The following SEL1L2 variants were observed in gnomAD, a reference collection of about 807,000 sequenced individuals.
SEL1L2 encodes SEL1L2 adaptor subunit of SYVN1 ubiquitin ligase.
SEL1L2 carries 89 observed loss-of-function variants against 98.8 expected under a neutral mutation model. The ratio of observed to expected loss-of-function variants is 0.90; its 90% CI spans 0.76 to 1.07. The LOEUF (loss-of-function observed/expected upper bound fraction) is 1.07. Among genes scored for constraint, SEL1L2 ranks in the 50% least tolerant of loss-of-function variants. The probability of loss-of-function intolerance (pLI) is 0.00; values close to 1 mark genes in which losing one functional copy is unlikely to be tolerated. For missense variants in SEL1L2, 788 were observed against 812.0 expected, an observed-to-expected ratio of 0.97 and a Z score of 0.36; for synonymous variants, 262 against 278.5, an observed-to-expected ratio of 0.94 and a Z score of 0.59.
chr20:13,978,077 G>T (rs571521520), intron 1 of SEL1L2, among the ~76,000 whole-genome samples: 1 of 152,052 alleles, frequency 6.6e-6, no homozygotes, highest in Non-Finnish European at 1.5e-5. Context: ...CAAAGCTAGA[G>T]ACATCACACT....
intron 18 of SEL1L2, among the ~76,000 whole-genome samples, chr20:13,854,006 C>T (rs750199342): frequency 2.8e-4 from 42 of 152,168 alleles, no homozygotes; most frequent in Non-Finnish European, 4.1e-4. Flanking sequence ...AATGTGTTTT[C>T]TGTCCTGCCA....
At chr20:13,903,663 ATT>A (rs2047785600) in intron 5 of SEL1L2, among the ~76,000 whole-genome samples, 3 of 152,036 alleles carry the variant, frequency 2.0e-5, no homozygotes, top group Admixed American at 2.0e-4. Context: ...AAATACAAAA[ATT>A]AGGCAGGCAT....
chr20:13,957,634 T>C (rs1182531729), intron 1 of SEL1L2, among the ~76,000 whole-genome samples: 1 of 152,168 alleles, frequency 6.6e-6, no homozygotes, highest in East Asian at 1.9e-4. Flanking sequence ...CCCAACACTT[T>C]GGAAGGACAA....
intron 10 of SEL1L2, among the ~76,000 whole-genome samples, chr20:13,883,817 C>G (rs1157623765): frequency 1.3e-5 from 2 of 152,232 alleles, no homozygotes; most frequent in Non-Finnish European, 2.9e-5. Flanking sequence ...AGGATGCCCT[C>G]ACATCCAAAT....
chr20:13,909,344 G>T (rs1433591534), intron 5 of SEL1L2, among the ~76,000 whole-genome samples: 1 of 152,228 alleles, frequency 6.6e-6, no homozygotes, highest in African/African-American at 2.4e-5. Flanking sequence ...TATTGTTTGT[G>T]GCACAGAATC....
At chr20:13,991,351 T>G (rs2052526809), upstream of SEL1L2, among the ~76,000 whole-genome samples, 1 of 152,238 alleles carries the variant, frequency 6.6e-6, no homozygotes, top group Admixed American at 6.5e-5. Flanking sequence ...AGTTTCCCAT[T>G]GCTGTGATAA....
At chr20:13,897,164 T>C (rs1385665322) in intron 5 of SEL1L2, among the ~76,000 whole-genome samples, 2 of 152,178 alleles carry the variant, frequency 1.3e-5, no homozygotes, top group Admixed American at 6.5e-5. Flanking sequence ...GGGGAAAGGA[T>C]AGTCTCTTCA....
At chr20:13,982,244 C>T (rs973606766) in intron 1 of SEL1L2, among the ~76,000 whole-genome samples, 3 of 152,108 alleles carry the variant, frequency 2.0e-5, no homozygotes, top group African/African-American at 7.2e-5. Flanking sequence ...GCCATGGTGG[C>T]TCATGCCTGT....
chr20:13,875,396 T>C (rs537889929), intron 12 of SEL1L2, among the ~76,000 whole-genome samples: 1 of 152,330 alleles, frequency 6.6e-6, no homozygotes, highest in East Asian at 1.9e-4. Flanking sequence ...TGAGCCACTG[T>C]GCCTGGCAGG....
intron 2 of SEL1L2, among the ~76,000 whole-genome samples, chr20:13,932,202 T>G (rs2049175236): frequency 6.6e-6 from 1 of 152,076 alleles, no homozygotes. Flanking sequence ...AAAAAAACAA[T>G]ATTTCCCAAA....
At chr20:13,914,019 C>T (rs2048306113) in intron 4 of SEL1L2, 75 bp from the exon 5 acceptor site, 2 of 1,264,632 alleles carry the variant, frequency 1.6e-6, no homozygotes, top group African/African-American at 3.2e-5. Context: ...ACTATTCATA[C>T]TACTTCTCTC....
chr20:13,864,783 T>C (rs1990734128), intron 17 of SEL1L2, among the ~76,000 whole-genome samples: 1 of 152,186 alleles, frequency 6.6e-6, no homozygotes, highest in Non-Finnish European at 1.5e-5. Flanking sequence ...CTAATTTTGC[T>C]TGTAAACTCA....
chr20:13,868,840 C>T (rs758813455), intron 14 of SEL1L2, among the ~76,000 whole-genome samples: 13 of 152,008 alleles, frequency 8.6e-5, no homozygotes, highest in South Asian at 2.1e-4. Flanking sequence ...ATTCGTGATC[C>T]GCCCGCCTCG....
intron 2 of SEL1L2, among the ~76,000 whole-genome samples, chr20:13,946,837 A>C (rs2050035115): frequency 6.6e-6 from 1 of 152,178 alleles, no homozygotes; most frequent in African/African-American, 2.4e-5. Flanking sequence ...GAGCCTGGGC[A>C]CTGTTGCAAC....
intron 3 of SEL1L2, among the ~76,000 whole-genome samples, chr20:13,929,935 C>T (rs1350458997): frequency 6.6e-6 from 1 of 152,162 alleles, no homozygotes; most frequent in Non-Finnish European, 1.5e-5. Flanking sequence ...GGATTACAGG[C>T]ACATGCCACC....
intron 5 of SEL1L2, among the ~76,000 whole-genome samples, chr20:13,892,236 G>A (rs925339779): frequency 1.3e-5 from 2 of 152,046 alleles, no homozygotes; most frequent in Admixed American, 6.5e-5. Context: ...GATCACCTGA[G>A]GTCAGGAGCT....
At chr20:13,994,315 A>G (rs1270759079), upstream of SEL1L2, among the ~76,000 whole-genome samples, 3 of 151,380 alleles carry the variant, frequency 2.0e-5, no homozygotes, top group African/African-American at 7.3e-5. Flanking sequence ...AAAAAAAAAA[A>G]AAAAAGACAA....
chr20:13,905,871 CTT>C (rs903449859), intron 5 of SEL1L2, among the ~76,000 whole-genome samples: 13 of 123,748 alleles, frequency 1.1e-4, no homozygotes, highest in Non-Finnish European at 1.2e-4. Flanking sequence ...TTTTCTTTTC[CTT>C]TTTTTTTTTT....
chr20:13,870,648 C>T (rs766785578), intron 12 of SEL1L2, among the ~76,000 whole-genome samples: 8 of 152,088 alleles, frequency 5.3e-5, no homozygotes, highest in Admixed American at 2.0e-4. Flanking sequence ...TGAGGCCGGG[C>T]ATGGTGGCCC....
Sources: gnomAD v4.1 joint callset for allele counts (sites outside exome capture counted in the v4.1 genomes callset) on GRCh38, gnomAD v4.1.1 for gene constraint, MANE v1.5 for transcripts, NCBI Gene and HGNC (gene_info 2026-07-23, HGNC 2026-07-21) for gene names.